RNF13: variants seen among roughly 807,000 people sequenced by gnomAD.
RNF13 encodes ring finger protein 13, also known as E3 ubiquitin-protein ligase RNF13.
RNF13 carries 19 observed loss-of-function variants against 37.7 expected under a neutral mutation model. That is an observed-to-expected ratio of 0.50 (90% CI 0.35 to 0.74). The LOEUF (loss-of-function observed/expected upper bound fraction) is 0.74. Among genes scored for constraint, RNF13 ranks in the 30% least tolerant of loss-of-function variants. The pLI is 0.01. For missense variants in RNF13, 375 were observed against 453.0 expected (o/e 0.83, Z 1.56); for synonymous variants, 144 against 157.8 (o/e 0.91, Z 0.65).
Position 149,895,627 on chromosome 3 carries a change from A to AT in RNF13, c.409+71dup, listed in dbSNP as rs1281543069. 5 of 1,096,276 alleles carry AT rather than the reference A, an allele frequency of 4.6e-6. No individual in the cohort carries two copies. The African/African-American group carries it at 4.8e-5, about 11-fold the overall frequency. 67.9% of individuals were successfully genotyped at this position (1,096,276 alleles called of 1,614,324 possible). ...TCATTTGTAACTAAAAATTAACAGG[A>AT]TTTTCCTTCTCTCATTTTCTTTTTA... is the stretch of plus-strand genomic sequence containing the variant. On this transcript the variant is annotated intron_variant, in intron 5 of 9. Coordinates refer to ENST00000392894, the MANE Select transcript of RNF13 (RefSeq NM_183381.3).
chr3:149,917,061 G>A (rs1250128136), intron 7 of RNF13, among the ~76,000 whole-genome samples: 1 of 152,002 alleles, frequency 6.6e-6, no homozygotes, highest in Non-Finnish European at 1.5e-5. Context: ...CCATATGAAG[G>A]GGGAACTCTA....
chr3:149,886,327 G>A (rs115247192), intron 4 of RNF13, among the ~76,000 whole-genome samples: 4,045 of 152,104 alleles, frequency 0.027, 69 homozygotes, highest in South Asian at 0.037. Flanking sequence ...GGTAGTGTGG[G>A]CATTTTAACA....
intron 5 of RNF13, among the ~76,000 whole-genome samples, chr3:149,896,335 C>T (rs773454194): frequency 3.9e-5 from 6 of 152,116 alleles, no homozygotes; most frequent in Non-Finnish European, 8.8e-5. Flanking sequence ...AGACATAAAG[C>T]TATAGACTGA....
At chr3:149,849,536 A>G (rs1250886041) in intron 2 of RNF13, among the ~76,000 whole-genome samples, 2 of 152,176 alleles carry the variant, frequency 1.3e-5, no homozygotes, top group African/African-American at 4.8e-5. Context: ...ATTACTTAAC[A>G]TTTCTTAAGT....
chr3:149,845,931 C>T (rs889975380), intron 1 of RNF13, 80 bp from the exon 2 acceptor site: 3 of 679,706 alleles, frequency 4.4e-6, no homozygotes, highest in Non-Finnish European at 5.1e-6. Context: ...TATTTTTGGA[C>T]ATTGGGAATT....
chr3:149,874,303 G>T (rs1354842030), intron 4 of RNF13, among the ~76,000 whole-genome samples: 9 of 152,114 alleles, frequency 5.9e-5, no homozygotes, highest in Admixed American at 5.9e-4. Flanking sequence ...GAGACACAAT[G>T]ATTATAATCA....
At chr3:149,846,699 CAT>C (rs1280102097) in intron 2 of RNF13, among the ~76,000 whole-genome samples, 1 of 152,212 alleles carries the variant, frequency 6.6e-6, no homozygotes, top group Non-Finnish European at 1.5e-5. Context: ...TATGTGTGCA[CAT>C]GTGGGTGCTT....
At position 149,875,254 on chromosome 3, in the gene RNF13, G is replaced by T. The variant is rs1230954577; in HGVS notation, c.321+3100G>T. 2.6e-5 allele frequency among the ~76,000 whole-genome samples: 4 copies of T among 152,088 alleles called. No homozygotes were observed. In the Middle Eastern group the frequency reaches 0.01, roughly 388 times the overall value. On this transcript the variant is annotated intron_variant, in intron 4 of 9. Coordinates refer to ENST00000392894, the MANE Select transcript of RNF13 (RefSeq NM_183381.3). Reference sequence around the variant, plus strand: ...AATTATCTCAGACAAAGGAGAATTGGCTCTATCTTTTAAAATTTTCCTTGG... The same window carrying T: ...AATTATCTCAGACAAAGGAGAATTGTCTCTATCTTTTAAAATTTTCCTTGG...
chr3:149,870,516 A>C (rs957272053), intron 3 of RNF13, among the ~76,000 whole-genome samples: 2 of 151,864 alleles, frequency 1.3e-5, no homozygotes, highest in Admixed American at 1.3e-4. Flanking sequence ...AAGCCAACCT[A>C]TATGGCTTGA....
At chr3:149,819,733 C>A (rs766507010) in intron 1 of RNF13, among the ~76,000 whole-genome samples, 66 of 152,318 alleles carry the variant, frequency 4.3e-4, no homozygotes, top group Middle Eastern at 6.8e-3. Flanking sequence ...TTGTGCTAAA[C>A]CACAGTTTAG....
intron 3 of RNF13, among the ~76,000 whole-genome samples, chr3:149,871,703 G>T (rs1345233921): frequency 1.3e-5 from 2 of 151,966 alleles, no homozygotes; most frequent in African/African-American, 4.8e-5. Flanking sequence ...TAATTTTTAA[G>T]ACATATTTGC....
intron 1 of RNF13, among the ~76,000 whole-genome samples, chr3:149,829,824 A>G (rs1272787914): frequency 6.6e-6 from 1 of 151,988 alleles, no homozygotes; most frequent in Non-Finnish European, 1.5e-5. Flanking sequence ...TATAGCTCCT[A>G]TAAACCCCAT....
intron 5 of RNF13, among the ~76,000 whole-genome samples, chr3:149,897,667 C>G (rs1715407229): frequency 6.6e-6 from 1 of 152,070 alleles, no homozygotes; most frequent in Non-Finnish European, 1.5e-5. Context: ...TTTATATGTA[C>G]AGAGACAAAT....
In RNF13 at chr3:149,961,076, G is replaced by A. The variant is rs374986410; in HGVS notation, c.1118G>A (p.Arg373Gln). The A allele has an allele frequency of 2.2e-5, 36 of 1,612,346 alleles. No homozygotes were observed. The highest frequency in any genetic ancestry group is 1.3e-4 in the African/African-American group (10 of 74,864). The change falls in exon 10 of 10, where the codon CGG becomes CAG. Residue 373 changes from arginine to glutamine, a missense_variant. Arg to Gln is a conservative substitution (Grantham distance 43). Transcript: ENST00000392894. ...GTCCAGTTGCAGCCTAATGGTGAAC[G>A]GGATTACAACATAGCAAATACTGTT... ...VVVQLQPNGE[R>Q]DYNIANTV
At chr3:149,833,118 C>CTCTTTTTTTTT (rs1306537184) in intron 1 of RNF13, among the ~76,000 whole-genome samples, 46 of 111,878 alleles carry the variant, frequency 4.1e-4, no homozygotes, top group Non-Finnish European at 5.5e-4. Flanking sequence ...CTCTCTCTCT[C>CTCTTTTTTTTT]TTTTTTTTTT....
intron 1 of RNF13, among the ~76,000 whole-genome samples, chr3:149,835,667 T>TGTGTGTTTG (rs1218091872): frequency 6.8e-5 from 6 of 87,998 alleles, no homozygotes; most frequent in African/African-American, 2.4e-4. Context: ...GTGTGTGTGT[T>TGTGTGTTTG]TGTGTGTGTG....
chr3:149,873,840 G>A (rs1223250609), intron 4 of RNF13, among the ~76,000 whole-genome samples: 1 of 151,828 alleles, frequency 6.6e-6, no homozygotes, highest in Non-Finnish European at 1.5e-5. Context: ...ACTTTTTATT[G>A]AATATATATA....
intron 2 of RNF13, among the ~76,000 whole-genome samples, chr3:149,848,930 A>G (rs1336266875): frequency 6.6e-6 from 1 of 151,996 alleles, no homozygotes; most frequent in African/African-American, 2.4e-5. Flanking sequence ...GTCTTACTAA[A>G]CTTTATTCCT....
intron 3 of RNF13, among the ~76,000 whole-genome samples, chr3:149,862,685 A>T (rs1437508307): frequency 6.6e-6 from 1 of 152,110 alleles, no homozygotes; most frequent in African/African-American, 2.4e-5. Flanking sequence ...TTGCTGGTAG[A>T]TGCCAGTTTT....
Sources: allele counts gnomAD v4.1 joint callset (sites outside exome capture counted in the v4.1 genomes callset), GRCh38; gene constraint gnomAD v4.1.1; transcripts MANE v1.5; gene names NCBI Gene and HGNC (gene_info 2026-07-23, HGNC 2026-07-21).